P2RY14: variants seen among roughly 807,000 people sequenced by gnomAD.
P2RY14 encodes the protein purinergic receptor P2Y14, also known as P2Y purinoceptor 14.
P2RY14 carries 2 observed loss-of-function variants against 0.9 expected under a neutral mutation model. The ratio of observed to expected loss-of-function variants is 2.16; its 90% CI spans 0.88 to 6.79. The LOEUF is 6.79. Ranked by LOEUF, P2RY14 falls within the 30% of genes most tolerant of loss-of-function variation. The pLI is 0.05. For synonymous variants in P2RY14, 158 were observed against 147.2 expected (o/e 1.07, Z -0.53); for missense variants, 378 against 400.1 (o/e 0.94, Z 0.47).
intron 1 of P2RY14, among the ~76,000 whole-genome samples, chr3:151,220,332 C>T (rs1729092469): frequency 6.6e-6 from 1 of 151,922 alleles, no homozygotes; most frequent in South Asian, 2.1e-4. Context: ...TTTGGTTCTG[C>T]CTTAGTCTAG....
At position 151,213,394 on chromosome 3, in the gene P2RY14, T is replaced by C; in HGVS notation, c.923A>G (p.Lys308Arg). Residue 308 changes from lysine to arginine, a missense_variant, in exon 3 of 3, where the codon AAG (lysine) becomes AGG (arginine). Physicochemically the swap from Lys to Arg is conservative, Grantham distance 26. Coordinates refer to ENST00000309170, the MANE Select transcript of P2RY14 (RefSeq NM_014879.4). ...AGCTTTTAATGGAATGTGCAATTTC[T>C]TACATAAGATTTCCCTAAACGGCTG... The part of the protein sequence containing the change: ...LCQPFREILC[K>R]KLHIPLKAQN... 6.2e-7 allele frequency: 1 copy of C among 1,614,060 alleles called. No homozygotes were observed. The highest frequency in any genetic ancestry group is 8.5e-7 in the Non-Finnish European group (1 of 1,179,908).
At chr3:151,246,395 A>G (rs1175924832) in intron 1 of P2RY14, among the ~76,000 whole-genome samples, 3 of 151,976 alleles carry the variant, frequency 2.0e-5, no homozygotes, top group Non-Finnish European at 4.4e-5. Context: ...AGTAACCAAA[A>G]CAGCATGGTA....
At chr3:151,230,522 A>G (rs1422274068) in intron 1 of P2RY14, among the ~76,000 whole-genome samples, 1 of 151,088 alleles carries the variant, frequency 6.6e-6, no homozygotes, top group Non-Finnish European at 1.5e-5. Context: ...GCTCATTGAC[A>G]TCCTTGGACT....
At chr3:151,233,615 C>T (rs2149338329) in intron 1 of P2RY14, among the ~76,000 whole-genome samples, 1 of 152,300 alleles carries the variant, frequency 6.6e-6, no homozygotes, top group East Asian at 1.9e-4. Flanking sequence ...TGTCTGTAAT[C>T]CCAGCTACTC....
At chr3:151,273,653 AGGT>A (rs1355774880) in intron 1 of P2RY14, among the ~76,000 whole-genome samples, 1 of 152,100 alleles carries the variant, frequency 6.6e-6, no homozygotes, top group Non-Finnish European at 1.5e-5. Flanking sequence ...GACTTTATTA[AGGT>A]TGTATTAGAA....
At chr3:151,231,288 T>C (rs1731618878) in intron 1 of P2RY14, among the ~76,000 whole-genome samples, 1 of 152,226 alleles carries the variant, frequency 6.6e-6, no homozygotes, top group East Asian at 1.9e-4. Flanking sequence ...TAAGCTTCAA[T>C]TGTGGCCAAA....
chr3:151,269,258 G>C (rs1320813473), intron 1 of P2RY14, among the ~76,000 whole-genome samples: 3 of 152,082 alleles, frequency 2.0e-5, no homozygotes, highest in Non-Finnish European at 2.9e-5. Flanking sequence ...AAATTAGCCA[G>C]GTGTGGTGGT....
rs376057002 is a variant in P2RY14, at chr3:151,236,009, A to G, written c.-132-16367T>C. Among the ~76,000 whole-genome samples the G allele has an allele frequency of 3.9e-5, 6 of 152,226 alleles. No individual in the cohort carries two copies. The South Asian group carries it at 6.2e-4, about 16-fold the overall frequency. On this transcript the variant is annotated intron_variant, in intron 1 of 2. Coordinates refer to ENST00000309170, the MANE Select transcript of P2RY14 (RefSeq NM_014879.4). ...ATGACTTTCAATGGCAAAAACTGCA[A>G]TTACTTTTGCACCAATCTAATATTT... is the stretch of plus-strand genomic sequence containing the variant.
intron 1 of P2RY14, among the ~76,000 whole-genome samples, chr3:151,230,365 T>G (rs1731409894): frequency 1.3e-5 from 2 of 152,232 alleles, no homozygotes; most frequent in Non-Finnish European, 2.9e-5. Context: ...GTCAGTCAAG[T>G]ACAGTGTAAG....
At chr3:151,216,084 C>A (rs1728161406) in intron 2 of P2RY14, among the ~76,000 whole-genome samples, 1 of 152,180 alleles carries the variant, frequency 6.6e-6, no homozygotes, top group African/African-American at 2.4e-5. Flanking sequence ...ACTCCTCTCT[C>A]CAGCTGTTTG....
Position 151,247,268 on chromosome 3 carries a change from T to C in P2RY14, c.-132-27626A>G, listed in dbSNP as rs553585191. ...CCCAGCCATCCCATTACTGGGTATA[T>C]ACCCAAAGGATTATAAATCATGCTG... is the stretch of plus-strand genomic sequence containing the variant. On this transcript the variant is annotated intron_variant, in intron 1 of 2. Transcript: ENST00000309170. 9.9e-3 allele frequency among the ~76,000 whole-genome samples: 1,507 copies of C among 152,194 alleles called. 26 individuals are homozygous for C. The highest frequency in any genetic ancestry group is 0.034 in the African/African-American group (1,395 of 41,514).
intron 1 of P2RY14, among the ~76,000 whole-genome samples, chr3:151,234,404 T>G (rs563121992): frequency 6.6e-6 from 1 of 152,228 alleles, no homozygotes; most frequent in African/African-American, 2.4e-5. Context: ...GAGCTGAGAT[T>G]TGAATCGAGG....
At chr3:151,245,231 T>A (rs938630878) in intron 1 of P2RY14, among the ~76,000 whole-genome samples, 12 of 152,102 alleles carry the variant, frequency 7.9e-5, no homozygotes, top group African/African-American at 2.9e-4. Flanking sequence ...ACTACTCCAA[T>A]CAATAGAAAA....
At chr3:151,247,309 C>T (rs1004218220) in intron 1 of P2RY14, among the ~76,000 whole-genome samples, 27 of 152,080 alleles carry the variant, frequency 1.8e-4, no homozygotes, top group Non-Finnish European at 3.5e-4. Context: ...AAGACACATG[C>T]ACACGTATGT....
At chr3:151,249,284 G>C (rs1022234057) in intron 1 of P2RY14, among the ~76,000 whole-genome samples, 1 of 152,142 alleles carries the variant, frequency 6.6e-6, no homozygotes, top group African/African-American at 2.4e-5. Flanking sequence ...TTCCTGTGAA[G>C]CTGTTGTAAT....
intron 2 of P2RY14, among the ~76,000 whole-genome samples, chr3:151,218,395 G>T (rs2149251276): frequency 6.6e-6 from 1 of 152,292 alleles, no homozygotes; most frequent in South Asian, 2.1e-4. Flanking sequence ...GAGCCAGTTT[G>T]TGTAGGTGTC....
At chr3:151,241,684 C>T (rs1274325120) in intron 1 of P2RY14, 3 of 152,014 alleles carry the variant, frequency 2.0e-5, no homozygotes, top group Admixed American at 2.0e-4. Flanking sequence ...TACACATACA[C>T]ACATACATAA....
chr3:151,243,168 T>A (rs1475266707), intron 1 of P2RY14, among the ~76,000 whole-genome samples: 2 of 151,756 alleles, frequency 1.3e-5, no homozygotes, highest in Non-Finnish European at 2.9e-5. Context: ...ATGGGGAGAA[T>A]GGAACCAAGT....
chr3:151,233,976 T>A (rs1452344293), intron 1 of P2RY14, among the ~76,000 whole-genome samples: 1 of 152,220 alleles, frequency 6.6e-6, no homozygotes, highest in Non-Finnish European at 1.5e-5. Flanking sequence ...AACATAATGC[T>A]GAGTAGAGAA....
Sources: allele counts gnomAD v4.1 joint callset (sites outside exome capture counted in the v4.1 genomes callset), GRCh38; gene constraint gnomAD v4.1.1; transcripts MANE v1.5; gene names NCBI Gene and HGNC (gene_info 2026-07-23, HGNC 2026-07-21).